The following PPP4R3A variants were observed in gnomAD, a reference collection of about 807,000 sequenced individuals.
The protein encoded by PPP4R3A is serine/threonine-protein phosphatase 4 regulatory subunit 3A.
A neutral mutation model predicts 91.7 loss-of-function variants in PPP4R3A; 15 were observed. That is an observed-to-expected ratio of 0.16 (90% CI 0.11 to 0.25). The LOEUF is 0.25. PPP4R3A is among the 10% of genes least tolerant of loss of function. PPP4R3A has a pLI of 1.00. For synonymous variants in PPP4R3A, 377 were observed against 348.7 expected (o/e 1.08, Z -0.91); for missense variants, 623 against 998.4 (o/e 0.62, Z 5.07).
At chr14:91,497,382 T>C (rs781000547) in intron 1 of PPP4R3A, among the ~76,000 whole-genome samples, 2 of 141,936 alleles carry the variant, frequency 1.4e-5, no homozygotes, top group African/African-American at 5.3e-5. Flanking sequence ...ACACACACGA[T>C]ACCTTTTCCC....
rs368385791 is a variant in PPP4R3A at position 91,473,384 on chromosome 14, T to C, written c.1267-14A>G. On this transcript the variant is annotated splice_polypyrimidine_tract_variant and intron_variant, in intron 7 of 14. Transcript: ENST00000554943. ...GAGCAAAATATCCTGGAGAGAAAAA[T>C]AGACATACTCAGGATCACTTATTAT... 77 of 1,605,546 alleles carry C rather than the reference T, an allele frequency of 4.8e-5. No homozygotes were observed. In the African/African-American group the frequency reaches 7.1e-4, roughly 15 times the overall value.
intron 2 of PPP4R3A, among the ~76,000 whole-genome samples, chr14:91,490,484 T>C (rs953629588): frequency 3.3e-5 from 5 of 152,106 alleles, no homozygotes; most frequent in African/African-American, 1.2e-4. Flanking sequence ...GTCACCTTTT[T>C]TTTTTAGGTA....
At chr14:91,464,349 G>C (rs1480765874) in intron 11 of PPP4R3A, among the ~76,000 whole-genome samples, 3 of 139,668 alleles carry the variant, frequency 2.1e-5, no homozygotes, top group South Asian at 2.2e-4. Flanking sequence ...CCCAAAAAAA[G>C]CATGTTACAG....
intron 10 of PPP4R3A, among the ~76,000 whole-genome samples, chr14:91,468,667 C>CAAAAAAAAAAAAAAAAAAAAAAAAAA (rs766250846): frequency 1.1e-4 from 5 of 45,044 alleles, no homozygotes; most frequent in Admixed American, 4.7e-4. Context: ...GACTCCGTCT[C>CAAAAAAAAAAAAAAAAAAAAAAAAAA]AAAAAAAAAA....
chr14:91,490,874 A>G, intron 1 of PPP4R3A, 72 bp from the exon 2 acceptor site: 3 of 696,666 alleles, frequency 4.3e-6, no homozygotes, highest in Non-Finnish European at 4.4e-6. Context: ...ACATACACAC[A>G]TATTTCCTTA....
chr14:91,484,472 C>T (rs1567155982), intron 3 of PPP4R3A, among the ~76,000 whole-genome samples: 4 of 152,196 alleles, frequency 2.6e-5, no homozygotes, highest in Admixed American at 2.6e-4. Flanking sequence ...CTGTCTATGA[C>T]TACTTCCGAA....
At chr14:91,485,584 A>G in intron 3 of PPP4R3A, 48 bp downstream of exon 3, 1 of 1,381,128 alleles carries the variant, frequency 7.2e-7, no homozygotes, top group Non-Finnish European at 1.0e-6. Flanking sequence ...ATGGCAAAAA[A>G]CTAAACACTT....
intron 1 of PPP4R3A, among the ~76,000 whole-genome samples, chr14:91,497,771 A>G (rs992705361): frequency 2.0e-5 from 3 of 152,210 alleles, no homozygotes; most frequent in African/African-American, 7.2e-5. Flanking sequence ...ACACCCTCAG[A>G]TAAGTGCCAA....
chr14:91,491,314 C>G (rs531529139), intron 1 of PPP4R3A, among the ~76,000 whole-genome samples: 1 of 152,080 alleles, frequency 6.6e-6, no homozygotes, highest in Non-Finnish European at 1.5e-5. Flanking sequence ...CCCACTGCCC[C>G]CTCCTCCCAA....
At chr14:91,477,348 G>A (rs1244048524) in intron 4 of PPP4R3A, among the ~76,000 whole-genome samples, 1 of 152,006 alleles carries the variant, frequency 6.6e-6, no homozygotes, top group Admixed American at 6.6e-5. Context: ...AAAATAGCAG[G>A]ACCAACACTT....
chr14:91,475,222 A>G (rs1223967198), intron 7 of PPP4R3A: 1 of 152,164 alleles, frequency 6.6e-6, no homozygotes, highest in Non-Finnish European at 1.5e-5. Flanking sequence ...AATAAAGGAG[A>G]GCACACACAT....
chr14:91,494,596 C>T (rs1890427216), intron 1 of PPP4R3A, among the ~76,000 whole-genome samples: 1 of 152,158 alleles, frequency 6.6e-6, no homozygotes, highest in African/African-American at 2.4e-5. Context: ...GGCACGGTGG[C>T]TCACGCCTAT....
At chr14:91,460,463 G>C (rs1888061140) in intron 14 of PPP4R3A, among the ~76,000 whole-genome samples, 1 of 151,866 alleles carries the variant, frequency 6.6e-6, no homozygotes, top group South Asian at 2.1e-4. Context: ...TGGGCATTAC[G>C]TGTCTGATTT....
intron 10 of PPP4R3A, among the ~76,000 whole-genome samples, chr14:91,468,524 C>G (rs1308070969): frequency 2.0e-5 from 3 of 151,886 alleles, no homozygotes; most frequent in East Asian, 1.9e-4. Flanking sequence ...CAAAAATTAG[C>G]TGGGTGTAGT....
intron 4 of PPP4R3A, among the ~76,000 whole-genome samples, chr14:91,478,732 A>C (rs1403870027): frequency 1.4e-5 from 2 of 139,916 alleles, no homozygotes; most frequent in African/African-American, 4.9e-5. Flanking sequence ...ATTTTAGTTC[A>C]TACTTTTCCT....
At position 91,476,910 on chromosome 14, in the gene PPP4R3A, A is replaced by G; in HGVS notation, c.992T>C (p.Leu331Ser). The G allele has an allele frequency of 6.3e-7, 1 of 1,589,838 alleles. No homozygotes were observed. Among genetic ancestry groups the G allele is most frequent in the Non-Finnish European group, 8.6e-7 (1 of 1,166,554 alleles). ...CTTTCATAGTATCTAATTTCTTACC[A>G]ATTCCTGTCTTTTTTCCTCATCTGT... ...EATDEEKRQE[L>S]VNFLKEFCAF... Residue 331 changes from leucine to serine, a missense_variant and splice_region_variant, in exon 5 of 15, where the codon TTG becomes TCG. Leu to Ser is a moderately radical substitution (Grantham distance 145). Around this residue, in one of 5 missense-constraint regions of PPP4R3A, gnomAD observed 264 missense variants for 377.3 expected, o/e 0.70. Transcript: ENST00000554943.
chr14:91,475,034 C>T (rs1312739094), intron 7 of PPP4R3A: 1 of 151,900 alleles, frequency 6.6e-6, no homozygotes, highest in East Asian at 1.9e-4. Flanking sequence ...CGTAAAAATA[C>T]CACAGGCTGG....
intron 1 of PPP4R3A, among the ~76,000 whole-genome samples, chr14:91,507,731 C>A (rs1243611647): frequency 2.4e-5 from 3 of 126,242 alleles, no homozygotes; most frequent in Non-Finnish European, 5.2e-5. Flanking sequence ...TTAAAAATAT[C>A]TTAAAGGATT....
chr14:91,462,701 CT>C, intron 12 of PPP4R3A, 33 bp downstream of exon 12: 1 of 1,611,832 alleles, frequency 6.2e-7, no homozygotes, highest in South Asian at 1.1e-5. Context: ...CGACTTGATG[CT>C]GAACGAATAG....
Sources: gnomAD v4.1 joint callset for allele counts (sites outside exome capture counted in the v4.1 genomes callset) on GRCh38, gnomAD v4.1.1 for gene constraint, gnomAD v4.1.1 regional missense constraint, MANE v1.5 for transcripts, NCBI Gene and HGNC (gene_info 2026-07-23, HGNC 2026-07-21) for gene names.